Variants in PARP8 observed in about 807,000 individuals in gnomAD.
PARP8 encodes protein mono-ADP-ribosyltransferase PARP8.
PARP8 carries 51 observed loss-of-function variants against 124.1 expected under a neutral mutation model. That is an observed-to-expected ratio of 0.41 (90% CI 0.33 to 0.52). The LOEUF (loss-of-function observed/expected upper bound fraction) is 0.52, where lower values mean the gene tolerates loss of function less well. Among genes scored for constraint, PARP8 ranks in the 20% least tolerant of loss-of-function variants. PARP8 has a pLI of 0.21. For synonymous variants in PARP8, 391 were observed against 361.5 expected (o/e 1.08, Z -0.93); for missense variants, 860 against 1,018.9 (o/e 0.84, Z 2.12).
At chr5:50,689,110 C>T (rs984770373) in intron 2 of PARP8, among the ~76,000 whole-genome samples, 1 of 149,476 alleles carries the variant, frequency 6.7e-6, no homozygotes, top group Non-Finnish European at 1.5e-5. Flanking sequence ...CTGTTTTGAC[C>T]CTCTGGCTTT....
At chr5:50,667,814 C>G in intron 1 of PARP8, 1 of 1,091,114 alleles carries the variant, frequency 9.2e-7, no homozygotes, top group Non-Finnish European at 1.3e-6. Context: ...AGGCTGCTTC[C>G]GGCCTCCCCT....
rs533522692 is a variant in PARP8 at position 50,826,150 on chromosome 5, G to A, written c.1929-605G>A. ...TTCTTGTGATCATTTCCTTCAGCTT[G>A]TTAGTCACTCTTCTTTCAAGATGAA... On this transcript the variant is annotated intron_variant, in intron 18 of 25. Coordinates refer to ENST00000281631, the MANE Select transcript of PARP8 (RefSeq NM_024615.4). 8.6e-5 allele frequency among the ~76,000 whole-genome samples: 13 copies of A among 151,886 alleles called. No individual in the cohort carries two copies. In the East Asian group the frequency reaches 2.5e-3, roughly 29 times the overall value.
At chr5:50,673,499 G>A (rs545506052) in intron 2 of PARP8, among the ~76,000 whole-genome samples, 1 of 152,132 alleles carries the variant, frequency 6.6e-6, no homozygotes, top group South Asian at 2.1e-4. Context: ...TAAGTATTTT[G>A]TCAGCTGTTT....
At chr5:50,716,761 G>A (rs1755360747) in intron 2 of PARP8, among the ~76,000 whole-genome samples, 1 of 152,076 alleles carries the variant, frequency 6.6e-6, no homozygotes, top group African/African-American at 2.4e-5. Flanking sequence ...CTCATCAAAG[G>A]GTTTGATGAT....
At chr5:50,830,819 CGTGTGTGTGT>C (rs10611893) in intron 22 of PARP8, among the ~76,000 whole-genome samples, 2 of 147,826 alleles carry the variant, frequency 1.4e-5, no homozygotes, top group Non-Finnish European at 3.0e-5. Context: ...TGTGCTCATG[CGTGTGTGTGT>C]GTGTGTGTGT....
chr5:50,743,888 A>G (rs148030467), intron 2 of PARP8, among the ~76,000 whole-genome samples: 3 of 152,318 alleles, frequency 2.0e-5, no homozygotes, highest in African/African-American at 7.2e-5. Context: ...TTTCTTATTT[A>G]AATTCTTAAA....
chr5:50,844,834 T>A lies in PARP8; in HGVS notation c.*2766T>A, dbSNP rs1175465377. 6.6e-6 allele frequency: 1 copy of A among 151,652 alleles called. No individual in the cohort carries two copies. The highest frequency in any genetic ancestry group is 1.5e-5 in the Non-Finnish European group (1 of 67,732). 9.4% of individuals were successfully genotyped at this position (151,652 alleles called of 1,614,324 possible). On this transcript the variant is annotated 3_prime_UTR_variant, in exon 26 of 26. Coordinates refer to ENST00000281631, the MANE Select transcript of PARP8 (RefSeq NM_024615.4). ...TATTAAAAGGAGAAGAAAATGAACA[T>A]TTGAGAATGGAAAAAAGTAATAATA...
intron 2 of PARP8, among the ~76,000 whole-genome samples, chr5:50,719,340 A>G (rs2149499865): frequency 6.6e-6 from 1 of 151,274 alleles, no homozygotes; most frequent in East Asian, 1.9e-4. Flanking sequence ...ATATAATCCC[A>G]TTTATTCACT....
intron 25 of PARP8, among the ~76,000 whole-genome samples, chr5:50,839,495 A>G (rs1747937819): frequency 6.6e-6 from 1 of 152,032 alleles, no homozygotes; most frequent in Non-Finnish European, 1.5e-5. Flanking sequence ...AAGTAAATGG[A>G]TGTTTGATTT....
At chr5:50,670,931 G>C (rs4590146) in intron 2 of PARP8, among the ~76,000 whole-genome samples, 1 of 152,116 alleles carries the variant, frequency 6.6e-6, no homozygotes, top group African/African-American at 2.4e-5. Context: ...TTGAAAACTT[G>C]TGCTATATAT....
At chr5:50,679,128 A>G (rs1379045759) in intron 2 of PARP8, among the ~76,000 whole-genome samples, 12 of 149,760 alleles carry the variant, frequency 8.0e-5, no homozygotes, top group Non-Finnish European at 1.8e-4. Flanking sequence ...GCTTTCACTT[A>G]AAAAAAAAAT....
intron 2 of PARP8, among the ~76,000 whole-genome samples, chr5:50,674,033 T>C (rs1750336537): frequency 6.6e-6 from 1 of 152,226 alleles, no homozygotes; most frequent in Non-Finnish European, 1.5e-5. Context: ...TTTTTCATTC[T>C]CTAAATTTCT....
At chr5:50,829,792 G>T in intron 21 of PARP8, 100 bp from the exon 22 acceptor site, 1 of 1,157,556 alleles carries the variant, frequency 8.6e-7, no homozygotes, top group African/African-American at 1.6e-5. Context: ...TCATTTTTTT[G>T]TAAGACTGAA....
chr5:50,698,719 A>T (rs184478160), intron 2 of PARP8, among the ~76,000 whole-genome samples: 1 of 152,314 alleles, frequency 6.6e-6, no homozygotes, highest in African/African-American at 2.4e-5. Flanking sequence ...TGGAAAAACT[A>T]AAAGTGAACC....
chr5:50,696,988 G>A (rs1454255511), intron 2 of PARP8, among the ~76,000 whole-genome samples: 6 of 152,168 alleles, frequency 3.9e-5, no homozygotes, highest in African/African-American at 1.4e-4. Flanking sequence ...ATGAGTCTGT[G>A]CCGGGCGGGG....
intron 2 of PARP8, among the ~76,000 whole-genome samples, chr5:50,701,050 T>C (rs1753542569): frequency 6.6e-6 from 1 of 152,180 alleles, no homozygotes; most frequent in Admixed American, 6.5e-5. Flanking sequence ...TATATTCAAA[T>C]CTTACATTGT....
chr5:50,773,272 TC>T (rs1164104698), intron 7 of PARP8, among the ~76,000 whole-genome samples: 2 of 152,218 alleles, frequency 1.3e-5, no homozygotes, highest in Admixed American at 1.3e-4. Context: ...ATGAAGCATT[TC>T]CCCTATGTTT....
At chr5:50,755,881 T>C (rs1335333504) in intron 3 of PARP8, among the ~76,000 whole-genome samples, 1 of 152,210 alleles carries the variant, frequency 6.6e-6, no homozygotes. Flanking sequence ...TAGTTCTCCT[T>C]GAAGAGGTCC....
chr5:50,707,185 T>A (rs1398075061), intron 2 of PARP8, among the ~76,000 whole-genome samples: 1 of 152,102 alleles, frequency 6.6e-6, no homozygotes, highest in African/African-American at 2.4e-5. Flanking sequence ...CAGTGTAAAT[T>A]GTTGTTTATA....
Sources: allele counts gnomAD v4.1 joint callset (sites outside exome capture counted in the v4.1 genomes callset), GRCh38; gene constraint gnomAD v4.1.1; transcripts MANE v1.5; gene names NCBI Gene and HGNC (gene_info 2026-07-23, HGNC 2026-07-21).